Variants in PPM1L observed in about 807,000 individuals in gnomAD.
PPM1L encodes the protein protein phosphatase 1L.
In PPM1L, 13 loss-of-function variants were observed where a neutral mutation model predicts 31.4. That is an observed-to-expected ratio of 0.41 (90% CI 0.27 to 0.66). The LOEUF (loss-of-function observed/expected upper bound fraction) is 0.66. PPM1L is among the 30% of genes least tolerant of loss of function. PPM1L has a pLI of 0.29. For missense variants in PPM1L, 326 were observed against 453.7 expected, an observed-to-expected ratio of 0.72 and a Z score of 2.56; for synonymous variants, 184 against 175.4, an observed-to-expected ratio of 1.05 and a Z score of -0.39.
intron 1 of PPM1L, among the ~76,000 whole-genome samples, chr3:160,757,343 G>C (rs1396127180): frequency 6.6e-6 from 1 of 152,378 alleles, no homozygotes; most frequent in Admixed American, 6.5e-5. Flanking sequence ...CTCAGAGCGG[G>C]ACCTAGATGT....
intron 1 of PPM1L, among the ~76,000 whole-genome samples, chr3:160,912,362 T>C (rs539784869): frequency 6.6e-6 from 1 of 152,330 alleles, no homozygotes; most frequent in East Asian, 1.9e-4. Context: ...TACAAAGGGC[T>C]TCCCCGTATA....
rs1553748209 is a variant in PPM1L, at chr3:160,944,865, A to ATGTTATATATAACATATATTATATAT, written c.400-16871_400-16870insTGTTATATATAACATATATTATATAT. Among the ~76,000 whole-genome samples, 2 of 40,984 alleles carry ATGTTATATATAACATATATTATATAT rather than the reference A, an allele frequency of 4.9e-5. 1 individual carries two copies. The highest frequency in any genetic ancestry group is 1.4e-4 in the African/African-American group (2 of 14,032). The allele number at this position is 40,984 out of a possible 152,430, so 26.9% of individuals were successfully genotyped here. A position where few individuals can be genotyped will look rare whatever the true frequency, so the allele number is the denominator to read the frequency against. ...GTTATATATAACATATATTATATATAATGTTATATATAACATATATATTAT... is the reference window on the plus strand; with the variant it reads ...GTTATATATAACATATATTATATATATGTTATATATAACATATATTATATATATGTTATATATAACATATATATTAT... On this transcript the variant is annotated intron_variant, in intron 1 of 3. Transcript: ENST00000498165.
intron 1 of PPM1L, among the ~76,000 whole-genome samples, chr3:160,853,319 T>C (rs955105573): frequency 4.6e-5 from 7 of 152,208 alleles, no homozygotes; most frequent in African/African-American, 1.7e-4. Context: ...TTATTCTTTT[T>C]TATTGCTCCA....
At chr3:160,870,126 G>T (rs918815331) in intron 1 of PPM1L, among the ~76,000 whole-genome samples, 1 of 152,118 alleles carries the variant, frequency 6.6e-6, no homozygotes, top group African/African-American at 2.4e-5. Context: ...GTGTGGGTGT[G>T]GGGGTAGGGG....
chr3:160,834,114 C>T (rs1713617292), intron 1 of PPM1L, among the ~76,000 whole-genome samples: 2 of 150,792 alleles, frequency 1.3e-5, no homozygotes, highest in Non-Finnish European at 2.9e-5. Context: ...AGCTCCGCCT[C>T]CTGGGTTCAC....
chr3:161,047,402 G>C (rs1036649380), intron 2 of PPM1L, among the ~76,000 whole-genome samples: 1 of 152,104 alleles, frequency 6.6e-6, no homozygotes, highest in African/African-American at 2.4e-5. Flanking sequence ...CCTCTTCAAG[G>C]AGAACTACAA....
At chr3:160,758,732 G>A (rs956999633) in intron 1 of PPM1L, among the ~76,000 whole-genome samples, 3 of 152,186 alleles carry the variant, frequency 2.0e-5, no homozygotes, top group East Asian at 1.9e-4. Flanking sequence ...CACGATAAAT[G>A]CTTTTATTTT....
At chr3:161,021,820 T>C (rs113171577) in intron 2 of PPM1L, among the ~76,000 whole-genome samples, 1,987 of 152,154 alleles carry the variant, frequency 0.013, 43 homozygotes, top group African/African-American at 0.045. Context: ...CTGATATTCG[T>C]AAAGCTACTC....
chr3:160,815,646 A>G (rs1162090374), intron 1 of PPM1L, among the ~76,000 whole-genome samples: 1 of 152,220 alleles, frequency 6.6e-6, no homozygotes, highest in Non-Finnish European at 1.5e-5. Flanking sequence ...ATTTCAAGAA[A>G]TAACTCCTTA....
At chr3:160,847,912 T>A (rs1714131013) in intron 1 of PPM1L, among the ~76,000 whole-genome samples, 1 of 152,156 alleles carries the variant, frequency 6.6e-6, no homozygotes, top group South Asian at 2.1e-4. Context: ...TCTGTACAAG[T>A]TGCTATGTTC....
At chr3:160,780,399 A>C (rs1711701627) in intron 1 of PPM1L, among the ~76,000 whole-genome samples, 1 of 152,186 alleles carries the variant, frequency 6.6e-6, no homozygotes, top group South Asian at 2.1e-4. Flanking sequence ...GCAAAAAGGG[A>C]AGTGGTCATT....
intron 1 of PPM1L, among the ~76,000 whole-genome samples, chr3:160,938,465 C>A (rs1208254935): frequency 6.6e-6 from 1 of 152,106 alleles, no homozygotes; most frequent in Non-Finnish European, 1.5e-5. Flanking sequence ...ATATTAGGAG[C>A]CTGTGAACTA....
intron 1 of PPM1L, among the ~76,000 whole-genome samples, chr3:160,863,123 G>T (rs1268247820): frequency 6.6e-6 from 1 of 152,008 alleles, no homozygotes; most frequent in Non-Finnish European, 1.5e-5. Flanking sequence ...TGTCCAAAAC[G>T]TGTCATGTAT....
At chr3:160,947,623 G>C (rs539784749) in intron 1 of PPM1L, among the ~76,000 whole-genome samples, 197 of 152,190 alleles carry the variant, frequency 1.3e-3, no homozygotes, top group African/African-American at 4.1e-3. Flanking sequence ...CACCATGAGA[G>C]CAGGGACATG....
At chr3:160,809,105 G>C (rs1419907496) in intron 1 of PPM1L, among the ~76,000 whole-genome samples, 1 of 152,214 alleles carries the variant, frequency 6.6e-6, no homozygotes, top group African/African-American at 2.4e-5. Flanking sequence ...CCGAGGTCCA[G>C]CTCTGCCAGC....
intron 2 of PPM1L, among the ~76,000 whole-genome samples, chr3:160,985,635 C>A (rs1001839677): frequency 2.0e-5 from 3 of 152,056 alleles, no homozygotes; most frequent in African/African-American, 7.2e-5. Flanking sequence ...TAGTAAAGTT[C>A]TTTCAAATAA....
At chr3:161,012,492 G>T (rs924950345) in intron 2 of PPM1L, among the ~76,000 whole-genome samples, 5 of 151,756 alleles carry the variant, frequency 3.3e-5, no homozygotes, top group African/African-American at 1.2e-4. Context: ...TTTTGGTTGT[G>T]TCTCTGCCCG....
intron 1 of PPM1L, among the ~76,000 whole-genome samples, chr3:160,834,887 G>A (rs1713648232): frequency 6.6e-6 from 1 of 152,074 alleles, no homozygotes; most frequent in South Asian, 2.1e-4. Context: ...ATGCTGTCAT[G>A]AACATTGATG....
At chr3:161,058,947 C>T (rs1719497688) in intron 2 of PPM1L, among the ~76,000 whole-genome samples, 1 of 152,108 alleles carries the variant, frequency 6.6e-6, no homozygotes, top group Non-Finnish European at 1.5e-5. Flanking sequence ...AAGCAAAATA[C>T]TTAGTTAAGC....
Sources: allele counts gnomAD v4.1 joint callset (sites outside exome capture counted in the v4.1 genomes callset), GRCh38; gene constraint gnomAD v4.1.1; transcripts MANE v1.5; gene names NCBI Gene and HGNC (gene_info 2026-07-23, HGNC 2026-07-21).